The following DSCAM variants were observed in gnomAD, a reference collection of about 807,000 sequenced individuals.
The protein encoded by DSCAM is DS cell adhesion molecule, also known as cell adhesion molecule DSCAM.
A neutral mutation model predicts 217.7 loss-of-function variants in DSCAM; 47 were observed. The ratio of observed to expected loss-of-function variants is 0.22; its 90% CI spans 0.17 to 0.28. The LOEUF is 0.28. Among genes scored for constraint, DSCAM ranks in the 10% least tolerant of loss-of-function variants. The pLI is 1.00. For missense variants in DSCAM, 2,080 were observed against 2,618.3 expected (o/e 0.79, Z 4.49); for synonymous variants, 1,056 against 1,015.3 (o/e 1.04, Z -0.76).
chr21:40,483,440 T>A (rs1476539563), intron 3 of DSCAM, among the ~76,000 whole-genome samples: 2 of 152,206 alleles, frequency 1.3e-5, no homozygotes, highest in Non-Finnish European at 2.9e-5. Context: ...TTGGTTTTAG[T>A]GTCACTGGCC....
chr21:40,266,777 C>CATATATAT (rs10684678), intron 11 of DSCAM, among the ~76,000 whole-genome samples: 6,699 of 108,466 alleles, frequency 0.062, 254 homozygotes, highest in South Asian at 0.095. Flanking sequence ...TTTTCACATG[C>CATATATAT]ATATATATAT....
chr21:40,778,468 T>G (rs7275397), intron 1 of DSCAM, among the ~76,000 whole-genome samples: 9,719 of 152,258 alleles, frequency 0.064, 317 homozygotes, highest in Middle Eastern at 0.099. Context: ...AAAACCTGCT[T>G]TTGTTTTTTG....
intron 32 of DSCAM, among the ~76,000 whole-genome samples, chr21:40,035,901 G>T (rs1345229833): frequency 6.7e-6 from 1 of 148,310 alleles, no homozygotes; most frequent in Non-Finnish European, 1.5e-5. Context: ...TGAACAACCT[G>T]CTCCTGAATG....
intron 26 of DSCAM, among the ~76,000 whole-genome samples, chr21:40,077,191 G>A (rs1046873265): frequency 6.6e-6 from 1 of 152,162 alleles, no homozygotes; most frequent in Admixed American, 6.5e-5. Flanking sequence ...CAGAGGCCAG[G>A]GACCCCGGCT....
intron 27 of DSCAM, among the ~76,000 whole-genome samples, chr21:40,070,441 G>GAGAA (rs149803355): frequency 1.3e-5 from 2 of 152,106 alleles, no homozygotes; most frequent in African/African-American, 4.8e-5. Flanking sequence ...GAAAGACAAA[G>GAGAA]AGAAAGAAAG....
At chr21:40,749,920 G>A (rs2091211258) in intron 1 of DSCAM, among the ~76,000 whole-genome samples, 3 of 151,762 alleles carry the variant, frequency 2.0e-5, no homozygotes, top group Admixed American at 2.0e-4. Context: ...ATCCTTCATT[G>A]GCTCCACTTT....
chr21:40,278,626 C>T (rs1274100890), intron 10 of DSCAM, among the ~76,000 whole-genome samples: 1 of 151,904 alleles, frequency 6.6e-6, no homozygotes, highest in African/African-American at 2.4e-5. Context: ...TAGCTACTCC[C>T]AATGCTCTGG....
intron 14 of DSCAM, among the ~76,000 whole-genome samples, chr21:40,185,663 G>A (rs1271635694): frequency 6.6e-6 from 1 of 152,248 alleles, no homozygotes; most frequent in Non-Finnish European, 1.5e-5. Context: ...TTCCAGGACA[G>A]TTTCTGCTCA....
intron 3 of DSCAM, among the ~76,000 whole-genome samples, chr21:40,648,570 A>G (rs1203873549): frequency 6.6e-6 from 1 of 152,104 alleles, no homozygotes; most frequent in East Asian, 1.9e-4. Context: ...ATTTTGGTGC[A>G]CTTTTCTCTG....
At chr21:40,691,215 GA>G (rs1183607507) in intron 3 of DSCAM, among the ~76,000 whole-genome samples, 1 of 152,202 alleles carries the variant, frequency 6.6e-6, no homozygotes, top group African/African-American at 2.4e-5. Flanking sequence ...AATTAAATAT[GA>G]ACAGAGATAA....
intron 3 of DSCAM, among the ~76,000 whole-genome samples, chr21:40,665,799 C>A (rs896869317): frequency 6.6e-6 from 1 of 152,198 alleles, no homozygotes; most frequent in Non-Finnish European, 1.5e-5. Context: ...TGAATGAATG[C>A]TCACAGACAG....
At chr21:40,208,041 G>T (rs565920519) in intron 11 of DSCAM, among the ~76,000 whole-genome samples, 1 of 152,112 alleles carries the variant, frequency 6.6e-6, no homozygotes, top group African/African-American at 2.4e-5. Context: ...AATTTTAGGG[G>T]GAGACACAAG....
chr21:40,472,131 C>G (rs1425337948), intron 3 of DSCAM, among the ~76,000 whole-genome samples: 1 of 152,236 alleles, frequency 6.6e-6, no homozygotes, highest in Non-Finnish European at 1.5e-5. Flanking sequence ...TGCCCAGTGA[C>G]AGAGCTGTCC....
chr21:40,039,173 A>T (rs1050270970), intron 32 of DSCAM, among the ~76,000 whole-genome samples: 1 of 99,478 alleles, frequency 1.0e-5, no homozygotes, highest in Non-Finnish European at 2.4e-5. Flanking sequence ...ATAATAATAA[A>T]GAAAAGAAAA....
intron 3 of DSCAM, among the ~76,000 whole-genome samples, chr21:40,403,789 G>A (rs983776969): frequency 5.3e-5 from 8 of 152,130 alleles, no homozygotes; most frequent in African/African-American, 1.9e-4. Flanking sequence ...GGCTGATGAG[G>A]ACATTATGCT....
At chr21:40,200,861 C>T (rs1297516439) in intron 11 of DSCAM, among the ~76,000 whole-genome samples, 1 of 152,148 alleles carries the variant, frequency 6.6e-6, no homozygotes, top group Admixed American at 6.5e-5. Context: ...ACAGAAACAC[C>T]AAGTGTGATT....
chr21:40,585,419 CAAAAAAAAAAAA>C (rs71186946), intron 3 of DSCAM, among the ~76,000 whole-genome samples: 1 of 87,010 alleles, frequency 1.1e-5, no homozygotes, highest in Non-Finnish European at 2.5e-5. Context: ...GACTCCGTCT[CAAAAAAAAAAAA>C]AAAAAAAAAA....
chr21:40,792,089 A>G (rs1177624729), intron 1 of DSCAM, among the ~76,000 whole-genome samples: 1 of 148,666 alleles, frequency 6.7e-6, no homozygotes, highest in Non-Finnish European at 1.5e-5. Flanking sequence ...ACGTCTTCAC[A>G]TGGCCATCCC....
At position 40,259,978 on chromosome 21, in the gene DSCAM, C is replaced by T. The variant is rs377126835; in HGVS notation, c.2356+16119G>A. 4.5e-4 allele frequency among the ~76,000 whole-genome samples: 68 copies of T among 152,160 alleles called. No individual in the cohort carries two copies. The South Asian group carries it at 5.8e-3, about 13-fold the overall frequency. On this transcript the variant is annotated intron_variant, in intron 11 of 32. Coordinates refer to ENST00000400454, the MANE Select transcript of DSCAM (RefSeq NM_001389.5). ...TCCTGACCTTGTGATCCGCCCGCCTCGGCCTCCCAAAGTGCTGGGATTACA... is the reference window on the plus strand; with the variant it reads ...TCCTGACCTTGTGATCCGCCCGCCTTGGCCTCCCAAAGTGCTGGGATTACA...
Sources: gnomAD v4.1 joint callset for allele counts (sites outside exome capture counted in the v4.1 genomes callset) on GRCh38, gnomAD v4.1.1 for gene constraint, MANE v1.5 for transcripts, NCBI Gene and HGNC (gene_info 2026-07-23, HGNC 2026-07-21) for gene names.